CSMD1: variants seen among roughly 807,000 people sequenced by gnomAD.
CSMD1 encodes CUB and sushi domain-containing protein 1.
Under a neutral mutation model 417.5 loss-of-function variants are expected in CSMD1, and 213 were observed. That is an observed-to-expected ratio of 0.51 (90% CI 0.46 to 0.57). The LOEUF is 0.57. Ranked by LOEUF, CSMD1 falls within the 20% of genes least tolerant of loss-of-function variation. The probability of loss-of-function intolerance (pLI) is 0.00; values close to 1 mark genes in which losing one functional copy is unlikely to be tolerated. For synonymous variants in CSMD1, 2,862 were observed against 1,736.8 expected, an observed-to-expected ratio of 1.65 and a Z score of -16.11; for missense variants, 6,923 against 4,529.7, an observed-to-expected ratio of 1.53 and a Z score of -15.17.
chr8:3,782,357 C>G (rs569632118), intron 5 of CSMD1, among the ~76,000 whole-genome samples: 1 of 152,142 alleles, frequency 6.6e-6, no homozygotes, highest in South Asian at 2.1e-4. Flanking sequence ...AAAGGGAACT[C>G]CGGCAAGTCA....
intron 10 of CSMD1, among the ~76,000 whole-genome samples, chr8:3,567,533 G>C (rs1290987108): frequency 1.3e-5 from 2 of 149,992 alleles, no homozygotes; most frequent in East Asian, 2.0e-4. Flanking sequence ...GGATGGGGGA[G>C]GGGAAAGAGA....
intron 5 of CSMD1, among the ~76,000 whole-genome samples, chr8:3,764,573 G>C (rs1269219765): frequency 2.0e-5 from 3 of 151,998 alleles, no homozygotes; most frequent in Non-Finnish European, 4.4e-5. Context: ...GTCTGCAAGA[G>C]AGGATTTAAA....
intron 10 of CSMD1, among the ~76,000 whole-genome samples, chr8:3,537,828 T>A (rs1798268000): frequency 6.6e-6 from 1 of 152,218 alleles, no homozygotes; most frequent in Non-Finnish European, 1.5e-5. Context: ...TGGTCAAATG[T>A]TACAGACACA....
At chr8:3,854,829 CA>C (rs1446402730) in intron 5 of CSMD1, among the ~76,000 whole-genome samples, 1 of 151,698 alleles carries the variant, frequency 6.6e-6, no homozygotes, top group African/African-American at 2.4e-5. Flanking sequence ...CTAAACATAA[CA>C]AAAACAGGGA....
chr8:3,477,934 G>C (rs1430159405), intron 11 of CSMD1, among the ~76,000 whole-genome samples: 2 of 152,160 alleles, frequency 1.3e-5, no homozygotes, highest in Non-Finnish European at 2.9e-5. Flanking sequence ...TATAAATCAA[G>C]CTGACTGAAA....
At chr8:3,585,114 G>A (rs914327175) in intron 9 of CSMD1, among the ~76,000 whole-genome samples, 4 of 152,028 alleles carry the variant, frequency 2.6e-5, no homozygotes, top group Non-Finnish European at 5.9e-5. Flanking sequence ...TGTATCCCCT[G>A]CATGTGACTG....
intron 3 of CSMD1, among the ~76,000 whole-genome samples, chr8:4,206,254 T>A (rs946702814): frequency 6.6e-6 from 1 of 152,180 alleles, no homozygotes; most frequent in African/African-American, 2.4e-5. Flanking sequence ...GGCAGGTTTG[T>A]TACATATGTA....
intron 1 of CSMD1, among the ~76,000 whole-genome samples, chr8:4,856,960 T>A (rs1216482050): frequency 1.3e-5 from 2 of 151,590 alleles, no homozygotes; most frequent in African/African-American, 4.9e-5. Flanking sequence ...CAACAGAATA[T>A]ACATTTTTTT....
At chr8:4,237,120 A>G (rs775553646) in intron 3 of CSMD1, among the ~76,000 whole-genome samples, 23 of 152,190 alleles carry the variant, frequency 1.5e-4, no homozygotes, top group Non-Finnish European at 2.4e-4. Flanking sequence ...AGAACTAGCT[A>G]CTTTGCACGG....
chr8:4,022,361 A>C (rs2740930), intron 4 of CSMD1, among the ~76,000 whole-genome samples: 65,006 of 151,810 alleles, frequency 0.43, 14,764 homozygotes, highest in South Asian at 0.64. Context: ...CATACTTAAA[A>C]TCATGAAGCA....
rs1394429861 is a variant in CSMD1, at chr8:4,255,353, G to A, written c.415+164600C>T. Among the ~76,000 whole-genome samples, 4 of 152,112 alleles carry A rather than the reference G, an allele frequency of 2.6e-5. No homozygotes were observed. The East Asian group carries it at 7.7e-4, about 29-fold the overall frequency. On this transcript the variant is annotated intron_variant, in intron 3 of 69. Coordinates refer to ENST00000635120, the MANE Select transcript of CSMD1 (RefSeq NM_033225.6). ...TAATATCTGCAGTCATTGTTCTTGA[G>A]CCCAGAGCCCAGAGAAAGGTGACTG...
chr8:4,288,207 G>A (rs997510208), intron 3 of CSMD1, among the ~76,000 whole-genome samples: 21 of 152,228 alleles, frequency 1.4e-4, no homozygotes, highest in South Asian at 6.2e-4. Context: ...GCAGTGGATG[G>A]ATTCGTCCAC....
At chr8:3,713,670 G>A (rs903184958) in intron 6 of CSMD1, among the ~76,000 whole-genome samples, 1 of 152,178 alleles carries the variant, frequency 6.6e-6, no homozygotes, top group East Asian at 1.9e-4. Flanking sequence ...TATAAAGGGA[G>A]ATCAGATAAC....
chr8:3,172,394 C>T (rs555027082), intron 37 of CSMD1, among the ~76,000 whole-genome samples: 2 of 152,062 alleles, frequency 1.3e-5, no homozygotes, highest in East Asian at 1.9e-4. Context: ...TACTTTTAAT[C>T]TGAGGCATTG....
rs771346421 is a variant in CSMD1, at chr8:2,966,598, G to T, written c.9072C>A (p.Thr3024=). The change falls in exon 58 of 70, where the codon ACC becomes ACA. Residue 3024 remains threonine (T), a synonymous_variant. Transcript: ENST00000635120. ...LMTRHCTANG[T]WTGTAPDCTI... ...TGCAGTCGGGAGCAGTGCCTGTCCA[G>T]GTCCCATTGGCTGTGCAATGCCGTG... The T allele has an allele frequency of 1.4e-5, 22 of 1,613,776 alleles. No homozygotes were observed. Among genetic ancestry groups the T allele is most frequent in the Non-Finnish European group, 1.9e-5 (22 of 1,179,806 alleles).
chr8:4,761,660 T>TATAG (rs1254558702), intron 1 of CSMD1, among the ~76,000 whole-genome samples: 1 of 152,132 alleles, frequency 6.6e-6, no homozygotes, highest in African/African-American at 2.4e-5. Context: ...GCATATAGAC[T>TATAG]ACCTTTATTA....
chr8:3,719,226 A>C (rs577341429), intron 6 of CSMD1, among the ~76,000 whole-genome samples: 1 of 151,616 alleles, frequency 6.6e-6, no homozygotes, highest in East Asian at 1.9e-4. Flanking sequence ...AAGCCTTCCA[A>C]GGTGTTCACC....
Position 2,945,655 on chromosome 8 carries a change from A to C in CSMD1, c.10403-3051T>G, listed in dbSNP as rs146896844. 2.0e-5 allele frequency among the ~76,000 whole-genome samples: 3 copies of C among 152,250 alleles called. No individual in the cohort carries two copies. The East Asian group carries it at 5.8e-4, about 29-fold the overall frequency. On this transcript the variant is annotated intron_variant, in intron 68 of 69. Transcript: ENST00000635120. ...ATCGTACGAGGGTCTTCACAATAAC[A>C]CATGGACAGCTCTGTGCGATCCCTC...
Position 4,472,921 on chromosome 8 carries a change from A to C in CSMD1, c.303-52856T>G, listed in dbSNP as rs530400357. Among the ~76,000 whole-genome samples, 4 of 152,054 alleles carry C rather than the reference A, an allele frequency of 2.6e-5. No individual in the cohort carries two copies. In the East Asian group the frequency reaches 7.7e-4, roughly 29 times the overall value. On this transcript the variant is annotated intron_variant, in intron 2 of 69. Transcript: ENST00000635120. ...AAATTTTTGCCATAATATTTTGATAATTTACACTCCATTCTATGTAAATCT... is the reference window on the plus strand; with the variant it reads ...AAATTTTTGCCATAATATTTTGATACTTTACACTCCATTCTATGTAAATCT...
Sources: allele counts gnomAD v4.1 joint callset (sites outside exome capture counted in the v4.1 genomes callset), GRCh38; gene constraint gnomAD v4.1.1; transcripts MANE v1.5; gene names NCBI Gene and HGNC (gene_info 2026-07-23, HGNC 2026-07-21).